The following IL1RAPL2 variants were observed in gnomAD, a reference collection of about 807,000 sequenced individuals.
IL1RAPL2 encodes the protein interleukin 1 receptor accessory protein like 2, also known as X-linked interleukin-1 receptor accessory protein-like 2.
In IL1RAPL2, 3 loss-of-function variants were observed where a neutral mutation model predicts 44.1. The ratio of observed to expected loss-of-function variants is 0.07; its 90% CI spans 0.03 to 0.18. The LOEUF is 0.18. Among genes scored for constraint, IL1RAPL2 ranks in the 10% least tolerant of loss-of-function variants. IL1RAPL2 has a pLI of 1.00. For missense variants in IL1RAPL2, 391 were observed against 496.4 expected (o/e 0.79, Z 2.02); for synonymous variants, 181 against 178.8 (o/e 1.01, Z -0.10).
chrX:104,570,792 T>C (rs1484196869), intron 1 of IL1RAPL2, among the ~76,000 whole-genome samples: 1 of 111,904 alleles, frequency 8.9e-6, no homozygotes, highest in Non-Finnish European at 1.9e-5. Flanking sequence ...TTTTTCCCAT[T>C]AATCTCACAG....
At chrX:104,900,833 G>A (rs983100442) in intron 2 of IL1RAPL2, among the ~76,000 whole-genome samples, 2 of 111,943 alleles carry the variant, frequency 1.8e-5, no homozygotes, top group African/African-American at 6.5e-5. Flanking sequence ...TGCCTCTGGT[G>A]GGAGGAGCTA....
chrX:104,737,843 C>G (rs775818523), intron 2 of IL1RAPL2, among the ~76,000 whole-genome samples: 2 of 111,945 alleles, frequency 1.8e-5, no homozygotes, highest in Admixed American at 1.9e-4. Context: ...GCTATCATTG[C>G]TCATGCTATT....
At chrX:105,575,880 G>A (rs2037046435) in intron 6 of IL1RAPL2, among the ~76,000 whole-genome samples, 1 of 111,719 alleles carries the variant, frequency 9.0e-6, no homozygotes, top group African/African-American at 3.3e-5. Context: ...TGTGTGAGAT[G>A]GTACCTCGTT....
chrX:105,219,199 A>AGG (rs2033908133), intron 3 of IL1RAPL2: 3 of 1,208,663 alleles, frequency 2.5e-6, no homozygotes, highest in African/African-American at 3.5e-5. Context: ...GTCGGAAGGC[A>AGG]GCTGAGGCGG....
intron 5 of IL1RAPL2, among the ~76,000 whole-genome samples, chrX:105,288,379 A>T (rs750894545): frequency 9.4e-6 from 1 of 106,571 alleles, no homozygotes; most frequent in East Asian, 3.0e-4. Flanking sequence ...ATCCTACTTT[A>T]AATGAACTGA....
At chrX:105,512,360 A>C (rs2036476759) in intron 6 of IL1RAPL2, among the ~76,000 whole-genome samples, 1 of 110,904 alleles carries the variant, frequency 9.0e-6, no homozygotes. Context: ...TAGATAGGAA[A>C]CCTTTTTCTA....
chrX:104,595,751 A>C (rs1602635598), intron 1 of IL1RAPL2, among the ~76,000 whole-genome samples: 1 of 111,660 alleles, frequency 9.0e-6, no homozygotes, highest in East Asian at 2.8e-4. Flanking sequence ...TCTTGTGCAA[A>C]TGGTTTATTT....
chrX:105,573,872 T>C (rs1217384194), intron 6 of IL1RAPL2, among the ~76,000 whole-genome samples: 1 of 111,510 alleles, frequency 9.0e-6, no homozygotes, highest in Non-Finnish European at 1.9e-5. Context: ...TAGGCTATGT[T>C]TTAGAATAAA....
At chrX:104,655,400 G>A (rs1350672077) in intron 1 of IL1RAPL2, among the ~76,000 whole-genome samples, 3 of 111,492 alleles carry the variant, frequency 2.7e-5, no homozygotes, top group African/African-American at 9.8e-5. Flanking sequence ...CAATTTTGTT[G>A]AAGGCCTCTT....
chrX:105,054,152 TAC>T (rs921235595), intron 2 of IL1RAPL2, among the ~76,000 whole-genome samples: 2 of 109,998 alleles, frequency 1.8e-5, no homozygotes, highest in Non-Finnish European at 3.8e-5. Context: ...GGCACACTAA[TAC>T]ACACACACAC....
intron 3 of IL1RAPL2, chrX:105,219,666 C>T: frequency 8.3e-7 from 1 of 1,210,435 alleles, no homozygotes; most frequent in Non-Finnish European, 1.1e-6. Context: ...CCTCTTCTTC[C>T]TCCTCAGCTG....
intron 6 of IL1RAPL2, among the ~76,000 whole-genome samples, chrX:105,570,407 C>T (rs968466302): frequency 1.1e-4 from 12 of 112,015 alleles, no homozygotes; most frequent in Non-Finnish European, 2.1e-4. Context: ...GCTATAAATA[C>T]GTATGTGTAT....
Position 104,950,668 on chromosome X carries a change from T to G in IL1RAPL2, c.83-244807T>G, listed in dbSNP as rs779492823. Among the ~76,000 whole-genome samples, 52 of 111,158 alleles carry G rather than the reference T, an allele frequency of 4.7e-4. No individual in the cohort carries two copies. In the South Asian group the frequency reaches 0.018, roughly 39 times the overall value. ...TCCGAGCTAGGTGCAGGATGTAATC[T>G]CCTGGTGAGCTGTTTTTTGTTTGTT... On this transcript the variant is annotated intron_variant, in intron 2 of 10. Transcript: ENST00000372582.
At chrX:104,620,490 A>T (rs1188909573) in intron 1 of IL1RAPL2, among the ~76,000 whole-genome samples, 1 of 107,001 alleles carries the variant, frequency 9.3e-6, no homozygotes, top group South Asian at 4.3e-4. Flanking sequence ...AATACAAAAG[A>T]TTAGCGGGGC....
intron 5 of IL1RAPL2, among the ~76,000 whole-genome samples, chrX:105,415,833 T>A (rs2035729450): frequency 9.0e-6 from 1 of 111,708 alleles, no homozygotes; most frequent in Non-Finnish European, 1.9e-5. Context: ...AGAAAAGTTG[T>A]TTTTCTAGGT....
chrX:104,847,907 A>C (rs1024677821), intron 2 of IL1RAPL2, among the ~76,000 whole-genome samples: 2 of 110,971 alleles, frequency 1.8e-5, no homozygotes, highest in African/African-American at 6.6e-5. Context: ...GAGGTCCTTC[A>C]CATCCCTTGT....
intron 2 of IL1RAPL2, among the ~76,000 whole-genome samples, chrX:104,700,175 G>A (rs1325060225): frequency 8.9e-6 from 1 of 111,936 alleles, no homozygotes; most frequent in Non-Finnish European, 1.9e-5. Context: ...ACGACACAGG[G>A]GTAGTAAGAA....
chrX:104,791,918 A>T (rs911155411), intron 2 of IL1RAPL2, among the ~76,000 whole-genome samples: 2 of 110,452 alleles, frequency 1.8e-5, no homozygotes, highest in Non-Finnish European at 3.8e-5. Flanking sequence ...CTTATTTTTT[A>T]TTTTTTTATG....
At chrX:105,403,715 C>G (rs1764310233) in intron 5 of IL1RAPL2, among the ~76,000 whole-genome samples, 1 of 111,244 alleles carries the variant, frequency 9.0e-6, no homozygotes, top group Admixed American at 9.6e-5. Context: ...TAGAGTGGTT[C>G]AGGTTCAAAC....
Sources: allele counts gnomAD v4.1 joint callset (sites outside exome capture counted in the v4.1 genomes callset), GRCh38; gene constraint gnomAD v4.1.1; transcripts MANE v1.5; gene names NCBI Gene and HGNC (gene_info 2026-07-23, HGNC 2026-07-21).